GLP2R: variants seen among roughly 807,000 people sequenced by gnomAD.
GLP2R encodes the protein glucagon like peptide 2 receptor, also known as glucagon-like peptide 2 receptor.
A neutral mutation model predicts 68.2 loss-of-function variants in GLP2R; 59 were observed. The ratio of observed to expected loss-of-function variants is 0.87; its 90% CI spans 0.70 to 1.07. The LOEUF (loss-of-function observed/expected upper bound fraction) is 1.07, where lower values mean the gene tolerates loss of function less well. Among genes scored for constraint, GLP2R ranks in the 50% least tolerant of loss-of-function variants. The pLI, the probability that GLP2R is intolerant of heterozygous loss-of-function variation, is 0.00. For synonymous variants in GLP2R, 270 were observed against 265.4 expected, an observed-to-expected ratio of 1.02 and a Z score of -0.17; for missense variants, 548 against 677.4, an observed-to-expected ratio of 0.81 and a Z score of 2.12.
chr17:9,881,941 G>A (rs2067199996), intron 11 of GLP2R, among the ~76,000 whole-genome samples: 1 of 151,072 alleles, frequency 6.6e-6, no homozygotes, highest in African/African-American at 2.4e-5. Context: ...GGACTTCTGA[G>A]ATGATAAAGA....
At chr17:9,879,968 G>A (rs1050630403) in intron 10 of GLP2R, among the ~76,000 whole-genome samples, 1 of 152,168 alleles carries the variant, frequency 6.6e-6, no homozygotes, top group Non-Finnish European at 1.5e-5. Flanking sequence ...TACTGATGTT[G>A]AAAGTCCGGA....
intron 10 of GLP2R, among the ~76,000 whole-genome samples, chr17:9,877,876 CAA>C (rs11329707): frequency 0.011 from 1,093 of 100,664 alleles, 7 homozygotes; most frequent in African/African-American, 0.036. Flanking sequence ...GACTCCGTCT[CAA>C]AAAAAAAAAA....
chr17:9,831,120 T>C (rs766333685), intron 1 of GLP2R, among the ~76,000 whole-genome samples: 11 of 152,228 alleles, frequency 7.2e-5, no homozygotes, highest in Non-Finnish European at 1.3e-4. Flanking sequence ...CTGCACTCCC[T>C]ACTGGTATAC....
chr17:9,859,847 GA>G, intron 6 of GLP2R, 94 bp from the exon 7 acceptor site: 1 of 252,340 alleles, frequency 4.0e-6, no homozygotes, highest in East Asian at 6.4e-5. Flanking sequence ...AAAAAAAAAA[GA>G]GGGAGAGGTT....
chr17:9,859,822 A>G, intron 6 of GLP2R, 120 bp from the exon 7 acceptor site: 1 of 174,256 alleles, frequency 5.7e-6, no homozygotes, highest in Non-Finnish European at 7.6e-6. Context: ...TCTGTCTCAA[A>G]AAAAAAAAAA....
intron 4 of GLP2R, among the ~76,000 whole-genome samples, chr17:9,845,422 G>A (rs1005229192): frequency 3.8e-4 from 58 of 152,160 alleles, no homozygotes; most frequent in Non-Finnish European, 8.8e-5. Flanking sequence ...TGTCACGGGA[G>A]CCACCTAGCC....
chr17:9,827,542 T>C (rs539798916), intron 1 of GLP2R, among the ~76,000 whole-genome samples: 1 of 152,328 alleles, frequency 6.6e-6, no homozygotes, highest in East Asian at 1.9e-4. Context: ...CTTGCTTTAT[T>C]CTATCCAAGA....
intron 5 of GLP2R, among the ~76,000 whole-genome samples, chr17:9,856,926 ATTTT>A (rs991891157): frequency 6.8e-6 from 1 of 146,580 alleles, no homozygotes; most frequent in South Asian, 2.2e-4. Context: ...GGTGATAGCT[ATTTT>A]TTTTTTTTCT....
chr17:9,860,073 G>C lies in GLP2R; in HGVS notation c.897G>C (p.Leu299=). 6.2e-7 allele frequency: 1 copy of C among 1,610,558 alleles called. No homozygotes were observed. Among genetic ancestry groups the C allele is most frequent in the Non-Finnish European group, 8.5e-7 (1 of 1,178,218 alleles). The change falls in exon 7 of 13, where the codon CTG becomes CTC. Residue 299 remains leucine (L), a synonymous_variant. Transcript: ENST00000262441. ...CCACAGTGCTTCCTGAGAGGCGGCT[G>C]TGGCCCAGATACCTGCTGTTGGGTT... ...LEPTVLPERR[L]WPRYLLLGWA...
chr17:9,884,004 C>T (rs1485230777), intron 11 of GLP2R, among the ~76,000 whole-genome samples: 2 of 151,804 alleles, frequency 1.3e-5, no homozygotes, highest in Admixed American at 6.6e-5. Flanking sequence ...TTTAAAAATA[C>T]AAGATTGTAT....
intron 3 of GLP2R, among the ~76,000 whole-genome samples, chr17:9,841,199 T>G (rs942985120): frequency 1.4e-5 from 2 of 142,654 alleles, no homozygotes; most frequent in Non-Finnish European, 3.1e-5. Flanking sequence ...TTTTTTTTTT[T>G]GTATTTTTAG....
At chr17:9,840,265 G>A (rs764653046) in intron 3 of GLP2R, among the ~76,000 whole-genome samples, 8 of 152,166 alleles carry the variant, frequency 5.3e-5, no homozygotes, top group African/African-American at 1.4e-4. Flanking sequence ...GTGAGCCACC[G>A]CACCCGGCCT....
chr17:9,876,307 C>G (rs564090712), intron 10 of GLP2R, among the ~76,000 whole-genome samples: 62 of 152,296 alleles, frequency 4.1e-4, no homozygotes, highest in Non-Finnish European at 6.9e-4. Context: ...TAGACAAAGA[C>G]AGATTAACAG....
chr17:9,879,134 G>C (rs2067167060), intron 10 of GLP2R, among the ~76,000 whole-genome samples: 1 of 151,878 alleles, frequency 6.6e-6, no homozygotes, highest in South Asian at 2.1e-4. Context: ...TCCACATCCA[G>C]CCAGGTGCAG....
intron 4 of GLP2R, among the ~76,000 whole-genome samples, chr17:9,846,841 T>C (rs1433414024): frequency 6.6e-6 from 1 of 152,182 alleles, no homozygotes; most frequent in Non-Finnish European, 1.5e-5. Flanking sequence ...AACAAACACT[T>C]TCACACTAAG....
Position 9,870,147 on chromosome 17 carries a change from C to T in GLP2R, c.1057-600C>T, listed in dbSNP as rs962527319. On this transcript the variant is annotated intron_variant, in intron 9 of 12. Transcript: ENST00000262441. ...TTAAGTGAAGGGAGGGTTATAATCC[C>T]ATGAATCTGGGTTTAATTACAGGCT... 2.0e-5 allele frequency among the ~76,000 whole-genome samples: 3 copies of T among 152,252 alleles called. No homozygotes were observed. The East Asian group carries it at 5.8e-4, about 29-fold the overall frequency.
At chr17:9,879,003 C>G (rs1045965105) in intron 10 of GLP2R, among the ~76,000 whole-genome samples, 7 of 152,020 alleles carry the variant, frequency 4.6e-5, no homozygotes, top group African/African-American at 1.7e-4. Context: ...TGTTCGTACC[C>G]CGAATATGAG....
At chr17:9,871,721 C>CTTTTTTTTT (rs372099240) in intron 10 of GLP2R, among the ~76,000 whole-genome samples, 196 of 102,268 alleles carry the variant, frequency 1.9e-3, no homozygotes, top group Non-Finnish European at 2.9e-3. Flanking sequence ...TACTTTCTTT[C>CTTTTTTTTT]TTTTTTTTTT....
chr17:9,832,825 G>C (rs1038494589), intron 1 of GLP2R, among the ~76,000 whole-genome samples: 1 of 152,202 alleles, frequency 6.6e-6, no homozygotes. Context: ...TATCTGGAAA[G>C]CCCAAAACGT....
Sources: allele counts gnomAD v4.1 joint callset (sites outside exome capture counted in the v4.1 genomes callset), GRCh38; gene constraint gnomAD v4.1.1; transcripts MANE v1.5; gene names NCBI Gene and HGNC (gene_info 2026-07-23, HGNC 2026-07-21).